Variants in RIPOR3 observed in about 807,000 individuals in gnomAD.
The protein encoded by RIPOR3 is RIPOR family member 3.
RIPOR3 carries 95 observed loss-of-function variants against 114.3 expected under a neutral mutation model. The ratio of observed to expected loss-of-function variants is 0.83; its 90% CI spans 0.70 to 0.99. The LOEUF (loss-of-function observed/expected upper bound fraction) is 0.99, where lower values mean the gene tolerates loss of function less well. Among genes scored for constraint, RIPOR3 ranks in the 50% least tolerant of loss-of-function variants. The pLI is 0.00. For synonymous variants in RIPOR3, 575 were observed against 543.8 expected (o/e 1.06, Z -0.80); for missense variants, 1,252 against 1,266.9 (o/e 0.99, Z 0.18).
rs1227830922 is a variant in RIPOR3 at position 50,592,372 on chromosome 20, G to A, written c.2549C>T (p.Ala850Val). 5 of 1,602,154 alleles carry A rather than the reference G, an allele frequency of 3.1e-6. No homozygotes were observed. The highest frequency in any genetic ancestry group is 4.3e-6 in the Non-Finnish European group (5 of 1,171,964). Reference sequence around the variant, plus strand: ...TTCCCGGAAGCTTCTGTTCCTGACTGCACCAGCCAGGCGAGCGCTGGCCGC... The same window carrying A: ...TTCCCGGAAGCTTCTGTTCCTGACTACACCAGCCAGGCGAGCGCTGGCCGC... ...CRAASARLAGAVRNRSFREKA... is the reference protein window; with the variant it reads ...CRAASARLAGVVRNRSFREKA... The change falls in exon 19 of 22, where the codon GCA becomes GTA. Residue 850 changes from alanine to valine, a missense_variant. Coordinates refer to ENST00000327979, the MANE Select transcript of RIPOR3 (RefSeq NM_001290268.2).
At chr20:50,674,327 C>A (rs192074750) in intron 1 of RIPOR3, among the ~76,000 whole-genome samples, 1 of 152,148 alleles carries the variant, frequency 6.6e-6, no homozygotes, top group East Asian at 1.9e-4. Flanking sequence ...ATCAGCTCAC[C>A]TCTCTGGCCC....
intron 1 of RIPOR3, among the ~76,000 whole-genome samples, chr20:50,648,430 A>G (rs996352015): frequency 6.7e-6 from 1 of 148,782 alleles, no homozygotes; most frequent in Non-Finnish European, 1.5e-5. Context: ...AGGTGTCGGC[A>G]GGGCCATGCT....
chr20:50,634,877 A>G (rs1319133632), intron 1 of RIPOR3, among the ~76,000 whole-genome samples: 3 of 152,218 alleles, frequency 2.0e-5, no homozygotes, highest in Non-Finnish European at 4.4e-5. Flanking sequence ...TACTAAAAAC[A>G]CAAAAATTAG....
intron 14 of RIPOR3, among the ~76,000 whole-genome samples, chr20:50,596,747 C>T (rs1449736928): frequency 2.6e-5 from 4 of 152,212 alleles, no homozygotes; most frequent in African/African-American, 4.8e-5. Flanking sequence ...CACGAAACAC[C>T]GCACTCGTCC....
At chr20:50,601,736 G>C (rs1353756859) in intron 13 of RIPOR3, among the ~76,000 whole-genome samples, 1 of 152,172 alleles carries the variant, frequency 6.6e-6, no homozygotes, top group Non-Finnish European at 1.5e-5. Context: ...CATGGAGCCA[G>C]CTGCGACCCT....
At chr20:50,596,058 C>T (rs909345823) in intron 15 of RIPOR3, 82 bp downstream of exon 15, 2 of 1,583,370 alleles carry the variant, frequency 1.3e-6, no homozygotes, top group African/African-American at 1.3e-5. Context: ...TCATGCTTCC[C>T]ACCACCTTCA....
Position 50,630,789 on chromosome 20 carries a change from C to G in RIPOR3, c.71G>C (p.Gly24Ala), listed in dbSNP as rs767592101. The change falls in exon 2 of 22, where the codon GGC (glycine) becomes GCC (alanine). Residue 24 changes from glycine to alanine, a missense_variant. By Grantham distance (60) the Gly-to-Ala change is moderately conservative. Coordinates refer to ENST00000327979, the MANE Select transcript of RIPOR3 (RefSeq NM_001290268.2). ...GAAGCCTGCGAAGGAGGCGCTCCGG[C>G]CCACGACCCCCACGGCCCCTGTGTC... ...PGDTGAVGVV[G>A]RSASFAGFSS... The G allele has an allele frequency of 6.2e-7, 1 of 1,612,182 alleles. No homozygotes were observed. The highest frequency in any genetic ancestry group is 2.2e-5 in the East Asian group (1 of 44,802).
At chr20:50,684,802 G>A (rs866485793) in intron 1 of RIPOR3, among the ~76,000 whole-genome samples, 32 of 152,156 alleles carry the variant, frequency 2.1e-4, no homozygotes, top group African/African-American at 7.5e-4. Context: ...TTGAGACAGC[G>A]TCTCATTCTG....
At chr20:50,620,733 A>G in intron 2 of RIPOR3, 1 of 453,494 alleles carries the variant, frequency 2.2e-6, no homozygotes, top group South Asian at 3.8e-5. Context: ...CTTTTCCACC[A>G]TGGCTGCCAC....
intron 1 of RIPOR3, among the ~76,000 whole-genome samples, chr20:50,649,313 T>C (rs1486723634): frequency 1.3e-5 from 2 of 151,980 alleles, no homozygotes; most frequent in African/African-American, 4.8e-5. Flanking sequence ...GGGGTGGTGG[T>C]GGGTACCTGT....
intron 1 of RIPOR3, among the ~76,000 whole-genome samples, chr20:50,659,442 T>A (rs561883302): frequency 3.3e-5 from 5 of 150,446 alleles, no homozygotes; most frequent in Admixed American, 6.6e-5. Context: ...AGGTCAGGAG[T>A]TTGAGACCAG....
intron 1 of RIPOR3, among the ~76,000 whole-genome samples, chr20:50,647,082 G>A (rs548894168): frequency 6.6e-6 from 1 of 152,342 alleles, no homozygotes; most frequent in African/African-American, 2.4e-5. Context: ...CACTTTCGGA[G>A]GCCGAGGCGG....
At position 50,642,346 on chromosome 20, in the gene RIPOR3, GT is replaced by G. The variant is rs1368288164; in HGVS notation, c.4-11491del. On this transcript the variant is annotated intron_variant, in intron 1 of 21. Coordinates refer to ENST00000327979, the MANE Select transcript of RIPOR3 (RefSeq NM_001290268.2). ...TTTAATCTTAAATTGTTCTCTGTGG[GT>G]GTGTGTGTGTGTGTGTGTGTGTGTG... 0.014 allele frequency among the ~76,000 whole-genome samples: 481 copies of G among 34,018 alleles called. 2 individuals carry two copies. The African/African-American group carries it at 0.23, about 16-fold the overall frequency. 22.3% of individuals were successfully genotyped at this position (34,018 alleles called of 152,430 possible).
chr20:50,592,992 G>T lies in RIPOR3; in HGVS notation c.2374+43C>A, dbSNP rs563315067. ...GAGAAACTGCATGTGACAGGGCTCC[G>T]TGGATATTCCTCTGCTATGACAGCC... On this transcript the variant is annotated intron_variant, in intron 18 of 21. Coordinates refer to ENST00000327979, the MANE Select transcript of RIPOR3 (RefSeq NM_001290268.2). 1.9e-6 allele frequency: 3 copies of T among 1,606,114 alleles called. No homozygotes were observed. In the African/African-American group the frequency reaches 4.0e-5, roughly 21 times the overall value.
chr20:50,587,169 A>C lies in RIPOR3; in HGVS notation c.*63T>G. 7.9e-7 allele frequency: 1 copy of C among 1,262,816 alleles called. No individual in the cohort carries two copies. The highest frequency in any genetic ancestry group is 1.2e-5 in the South Asian group (1 of 82,276). The allele number at this position is 1,262,816 out of a possible 1,614,324, so 78.2% of individuals were successfully genotyped here. Reference sequence around the variant, plus strand: ...AGCACCATTACCCAGAGTGCAGGCTATGTCCAGGCTGGGCAGCAGCAAAAA... The same window carrying C: ...AGCACCATTACCCAGAGTGCAGGCTCTGTCCAGGCTGGGCAGCAGCAAAAA... On this transcript the variant is annotated 3_prime_UTR_variant, in exon 22 of 22. Coordinates refer to ENST00000327979, the MANE Select transcript of RIPOR3 (RefSeq NM_001290268.2).
intron 11 of RIPOR3, among the ~76,000 whole-genome samples, chr20:50,605,248 TA>T (rs576335245): frequency 1.3e-3 from 191 of 152,196 alleles, no homozygotes; most frequent in African/African-American, 4.3e-3. Flanking sequence ...CTAAACTCTT[TA>T]CACAAATCCT....
At position 50,615,978 on chromosome 20, in the gene RIPOR3, G is replaced by A. The variant is rs765032937; in HGVS notation, c.348+24C>T. Reference sequence around the variant, plus strand: ...CTCCTGGCCAAGGCTATCTGGGTGGGAAGCAGGCAGGGAGGGGTCTCACCA... The same window carrying A: ...CTCCTGGCCAAGGCTATCTGGGTGGAAAGCAGGCAGGGAGGGGTCTCACCA... On this transcript the variant is annotated intron_variant, in intron 4 of 21. Coordinates refer to ENST00000327979, the MANE Select transcript of RIPOR3 (RefSeq NM_001290268.2). 34 of 1,592,902 alleles carry A rather than the reference G, an allele frequency of 2.1e-5. No individual in the cohort carries two copies. The South Asian group carries it at 2.9e-4, about 13-fold the overall frequency.
chr20:50,683,758 A>G (rs1600775118), intron 1 of RIPOR3, among the ~76,000 whole-genome samples: 1 of 151,782 alleles, frequency 6.6e-6, no homozygotes, highest in Non-Finnish European at 1.5e-5. Context: ...CACCTGGTCA[A>G]TTCTACTTAC....
At chr20:50,611,737 G>C (rs1343378101) in intron 4 of RIPOR3, among the ~76,000 whole-genome samples, 3 of 152,078 alleles carry the variant, frequency 2.0e-5, no homozygotes, top group Non-Finnish European at 4.4e-5. Flanking sequence ...ATATCATCAG[G>C]GCAGGCAAAC....
Sources: allele counts gnomAD v4.1 joint callset (sites outside exome capture counted in the v4.1 genomes callset), GRCh38; gene constraint gnomAD v4.1.1; transcripts MANE v1.5; gene names NCBI Gene and HGNC (gene_info 2026-07-23, HGNC 2026-07-21).